Variants in ADAMTSL3 observed in about 807,000 individuals in gnomAD.
ADAMTSL3 encodes the protein ADAMTS-like protein 3.
Under a neutral mutation model 201.7 loss-of-function variants are expected in ADAMTSL3, and 128 were observed. The observed-to-expected ratio is 0.63, with a 90% confidence interval of 0.55 to 0.73. The LOEUF is 0.73. Among genes scored for constraint, ADAMTSL3 ranks in the 30% least tolerant of loss-of-function variants. The pLI is 0.00. For missense variants in ADAMTSL3, 1,990 were observed against 2,119.6 expected, an observed-to-expected ratio of 0.94 and a Z score of 1.20; for synonymous variants, 738 against 748.4, an observed-to-expected ratio of 0.99 and a Z score of 0.23.
intron 3 of ADAMTSL3, among the ~76,000 whole-genome samples, chr15:83,748,887 G>T (rs895979440): frequency 2.0e-5 from 3 of 152,064 alleles, no homozygotes; most frequent in African/African-American, 7.2e-5. Context: ...CGGTATTTGG[G>T]GGCTGGGAGT....
intron 12 of ADAMTSL3, among the ~76,000 whole-genome samples, chr15:83,892,197 C>T (rs1363345392): frequency 6.7e-6 from 1 of 148,972 alleles, no homozygotes; most frequent in East Asian, 2.0e-4. Context: ...GCCTGGGTGA[C>T]AGAAAGAGAC....
chr15:83,970,296 G>A (rs1336428201), intron 19 of ADAMTSL3, among the ~76,000 whole-genome samples, 188 bp from the exon 20 acceptor site: 2 of 151,976 alleles, frequency 1.3e-5, no homozygotes, highest in Non-Finnish European at 2.9e-5. Flanking sequence ...AGGGAGGGGA[G>A]GGAAGGGGAG....
chr15:83,823,879 C>CCGT (rs2063936603), intron 6 of ADAMTSL3, among the ~76,000 whole-genome samples: 1 of 141,468 alleles, frequency 7.1e-6, no homozygotes, highest in African/African-American at 2.8e-5. Context: ...GACTCCATTT[C>CCGT]CTTCTTCTTC....
At chr15:83,839,614 C>T (rs1250117031) in intron 7 of ADAMTSL3, among the ~76,000 whole-genome samples, 1 of 152,048 alleles carries the variant, frequency 6.6e-6, no homozygotes, top group Non-Finnish European at 1.5e-5. Context: ...TCAAGCTATT[C>T]AAGAGTGTTT....
At chr15:83,685,891 A>C (rs905895853) in intron 2 of ADAMTSL3, among the ~76,000 whole-genome samples, 11 of 152,230 alleles carry the variant, frequency 7.2e-5, no homozygotes, top group Admixed American at 5.2e-4. Flanking sequence ...GAGGACAGCA[A>C]AATGAAAGTG....
intron 4 of ADAMTSL3, among the ~76,000 whole-genome samples, chr15:83,803,554 C>A (rs2063555285): frequency 6.6e-6 from 1 of 152,064 alleles, no homozygotes; most frequent in Non-Finnish European, 1.5e-5. Context: ...TATGTAACTC[C>A]ATTGAAAAAT....
At chr15:83,814,905 A>C (rs1025016672) in intron 5 of ADAMTSL3, among the ~76,000 whole-genome samples, 1 of 152,094 alleles carries the variant, frequency 6.6e-6, no homozygotes, top group Non-Finnish European at 1.5e-5. Context: ...AGTTTATTAG[A>C]TAATCTTTCA....
intron 6 of ADAMTSL3, among the ~76,000 whole-genome samples, chr15:83,830,441 A>C (rs536893822): frequency 6.6e-6 from 1 of 152,312 alleles, no homozygotes; most frequent in South Asian, 2.1e-4. Context: ...GAAAAACGGA[A>C]GATAAGGGCG....
At chr15:83,794,794 T>C (rs1454890684) in intron 4 of ADAMTSL3, among the ~76,000 whole-genome samples, 1 of 152,158 alleles carries the variant, frequency 6.6e-6, no homozygotes, top group Non-Finnish European at 1.5e-5. Flanking sequence ...AGATGATACC[T>C]TTGAGGGATC....
At chr15:83,918,899 C>T (rs1596405133) in intron 16 of ADAMTSL3, among the ~76,000 whole-genome samples, 1 of 152,158 alleles carries the variant, frequency 6.6e-6, no homozygotes, top group Non-Finnish European at 1.5e-5. Context: ...AGAGCTTAGA[C>T]CGGAATGGTG....
chr15:83,847,339 C>T (rs2064519246), intron 7 of ADAMTSL3, among the ~76,000 whole-genome samples: 1 of 152,166 alleles, frequency 6.6e-6, no homozygotes, highest in African/African-American at 2.4e-5. Flanking sequence ...CCTCCAGCTG[C>T]AGAATCAGTG....
intron 6 of ADAMTSL3, among the ~76,000 whole-genome samples, chr15:83,836,082 A>G: frequency 6.6e-6 from 1 of 152,378 alleles, no homozygotes; most frequent in African/African-American, 2.4e-5. Context: ...CATGCTAAGC[A>G]TTCAATAAAA....
At position 83,896,200 on chromosome 15, in the gene ADAMTSL3, TGGGTCGGGA is replaced by T. The variant is rs547953632; in HGVS notation, c.1468-1655_1468-1647del. Among the ~76,000 whole-genome samples the T allele has an allele frequency of 4.5e-3, 685 of 152,170 alleles. 5 individuals are homozygous for T. Among genetic ancestry groups the T allele is most frequent in the Non-Finnish European group, 4.5e-3 (307 of 67,992 alleles). On this transcript the variant is annotated intron_variant, in intron 13 of 29. Coordinates refer to ENST00000286744, the MANE Select transcript of ADAMTSL3 (RefSeq NM_207517.3). The stretch of plus-strand genomic sequence containing the variant: ...AAGCCTGAAGCTACTGACCCGGAAG[TGGGTCGGGA>T]GGATTCATGAGATAACAAATGAAGG...
In ADAMTSL3 at chr15:83,943,026, A is replaced by C. The variant is rs1345633210; in HGVS notation, c.2434A>C (p.Lys812Gln). ...CCAAGGACCCAAGGCATCGTCTCAC[A>C]AGTCCTGTGCCAGGACAGACTGTCC... ...LCQGPKASSH[K>Q]SCARTDCPPH... is the part of the protein sequence containing the mutation. Residue 812 changes from lysine to glutamine, a missense_variant, in exon 19 of 30, where the codon AAG becomes CAG. By Grantham distance (53) the Lys-to-Gln change is moderately conservative (BLOSUM62 1). Transcript: ENST00000286744. 6.2e-7 allele frequency: 1 copy of C among 1,613,908 alleles called. No homozygotes were observed.
intron 23 of ADAMTSL3, among the ~76,000 whole-genome samples, chr15:84,002,520 A>G (rs1204780601): frequency 6.6e-6 from 1 of 152,178 alleles, no homozygotes; most frequent in Non-Finnish European, 1.5e-5. Context: ...TATTGTCATC[A>G]TGTAGTTCCA....
chr15:83,888,466 C>T (rs73441323), intron 10 of ADAMTSL3, among the ~76,000 whole-genome samples: 45 of 152,072 alleles, frequency 3.0e-4, no homozygotes, highest in African/African-American at 1.0e-3. Context: ...GAAAATAAAA[C>T]ACACACATAA....
At chr15:83,699,812 G>A (rs1483051262) in intron 2 of ADAMTSL3, among the ~76,000 whole-genome samples, 1 of 151,920 alleles carries the variant, frequency 6.6e-6, no homozygotes, top group Non-Finnish European at 1.5e-5. Context: ...TTCCATAACT[G>A]GCTCCTCCTG....
chr15:83,733,673 C>T (rs997530894), intron 3 of ADAMTSL3, among the ~76,000 whole-genome samples: 1 of 152,102 alleles, frequency 6.6e-6, no homozygotes, highest in African/African-American at 2.4e-5. Flanking sequence ...GAAGGAAGCT[C>T]TCTCATTGTC....
At chr15:83,882,246 C>A (rs2065287960) in intron 9 of ADAMTSL3, among the ~76,000 whole-genome samples, 2 of 152,134 alleles carry the variant, frequency 1.3e-5, no homozygotes, top group Admixed American at 1.3e-4. Context: ...GGAGATTCAT[C>A]AGAAACAAGC....
Sources: allele counts gnomAD v4.1 joint callset (sites outside exome capture counted in the v4.1 genomes callset), GRCh38; gene constraint gnomAD v4.1.1; transcripts MANE v1.5; gene names NCBI Gene and HGNC (gene_info 2026-07-23, HGNC 2026-07-21).